RASAL2: variants seen among roughly 807,000 people sequenced by gnomAD.
The protein encoded by RASAL2 is ras GTPase-activating protein nGAP.
RASAL2 carries 58 observed loss-of-function variants against 128.9 expected under a neutral mutation model. The ratio of observed to expected loss-of-function variants is 0.45; its 90% CI spans 0.36 to 0.56. The LOEUF is 0.56. RASAL2 is among the 20% of genes least tolerant of loss of function. The probability of loss-of-function intolerance (pLI) is 0.00; values close to 1 mark genes in which losing one functional copy is unlikely to be tolerated. For missense variants in RASAL2, 1,360 were observed against 1,601.6 expected, an observed-to-expected ratio of 0.85 and a Z score of 2.57; for synonymous variants, 561 against 580.8, an observed-to-expected ratio of 0.97 and a Z score of 0.49.
chr1:178,187,607 C>T (rs966951214), intron 1 of RASAL2, among the ~76,000 whole-genome samples: 64 of 152,072 alleles, frequency 4.2e-4, no homozygotes, highest in African/African-American at 1.3e-3. Context: ...GAACCACAAC[C>T]GGAAAAACTG....
In RASAL2 at chr1:178,306,583, T is replaced by C. The variant is rs372169739; in HGVS notation, c.457+6465T>C. On this transcript the variant is annotated intron_variant, in intron 3 of 17. Coordinates refer to ENST00000367649, the MANE Select transcript of RASAL2 (RefSeq NM_170692.4). ...TGTTGTTTCCTGACTTTTTAATGAT[T>C]GCCATTCTAACTGGTGTGAGATGGT... Among the ~76,000 whole-genome samples, 80 of 151,858 alleles carry C rather than the reference T, an allele frequency of 5.3e-4. 1 individual carries two copies. In the East Asian group the frequency reaches 0.014, roughly 26 times the overall value.
Position 178,314,747 on chromosome 1 carries a change from A to G in RASAL2, c.457+14629A>G, listed in dbSNP as rs149853749. Among the ~76,000 whole-genome samples the G allele has an allele frequency of 8.0e-3, 1,213 of 152,290 alleles. 16 individuals carry two copies. The highest frequency in any genetic ancestry group is 0.027 in the African/African-American group (1,109 of 41,578). The stretch of plus-strand genomic sequence containing the variant: ...TGATTTGAAGTGGTAGGCATCACAG[A>G]TACTTATAAAACTAAAAACAGCTTC... On this transcript the variant is annotated intron_variant, in intron 3 of 17. Coordinates refer to ENST00000367649, the MANE Select transcript of RASAL2 (RefSeq NM_170692.4).
intron 4 of RASAL2, among the ~76,000 whole-genome samples, chr1:178,411,210 C>T (rs1466549662): frequency 6.6e-6 from 1 of 151,902 alleles, no homozygotes; most frequent in Non-Finnish European, 1.5e-5. Context: ...GAATACTACT[C>T]AGTCACAAAC....
intron 1 of RASAL2, among the ~76,000 whole-genome samples, chr1:178,110,667 A>G (rs548893449): frequency 1.2e-5 from 1 of 80,706 alleles, no homozygotes; most frequent in African/African-American, 4.1e-5. Context: ...TGTATACTGC[A>G]AACTCCACCT....
chr1:178,229,497 AG>A (rs1232645819), intron 1 of RASAL2, among the ~76,000 whole-genome samples: 1 of 149,942 alleles, frequency 6.7e-6, no homozygotes, highest in African/African-American at 2.5e-5. Flanking sequence ...TTTTATTGGG[AG>A]GGGGTACCAG....
intron 1 of RASAL2, among the ~76,000 whole-genome samples, chr1:178,162,365 CAT>C (rs1360003110): frequency 9.5e-6 from 1 of 105,702 alleles, no homozygotes; most frequent in African/African-American, 3.8e-5. Context: ...ATATAATATA[CAT>C]ATAATATATA....
intron 14 of RASAL2, among the ~76,000 whole-genome samples, chr1:178,462,510 ATAC>A (rs1678272499): frequency 6.6e-6 from 1 of 152,156 alleles, no homozygotes; most frequent in Non-Finnish European, 1.5e-5. Flanking sequence ...TTTGAAGAAC[ATAC>A]TACAACAAAA....
At chr1:178,154,141 G>A (rs1277000442) in intron 1 of RASAL2, among the ~76,000 whole-genome samples, 3 of 144,026 alleles carry the variant, frequency 2.1e-5, no homozygotes, top group Non-Finnish European at 3.0e-5. Context: ...TGGCCTGATT[G>A]ATTTTTTTTT....
intron 1 of RASAL2, among the ~76,000 whole-genome samples, chr1:178,188,359 C>T (rs1220283694): frequency 6.6e-6 from 1 of 152,064 alleles, no homozygotes; most frequent in African/African-American, 2.4e-5. Context: ...ATGACTCCTG[C>T]TTAAAATCTG....
intron 3 of RASAL2, among the ~76,000 whole-genome samples, chr1:178,389,001 A>C (rs1672740678): frequency 6.6e-6 from 1 of 152,182 alleles, no homozygotes; most frequent in Admixed American, 6.5e-5. Flanking sequence ...AGACACAGAG[A>C]GGGAGCGAGA....
chr1:178,441,875 CTT>C (rs1676677168), intron 7 of RASAL2, among the ~76,000 whole-genome samples: 1 of 152,084 alleles, frequency 6.6e-6, no homozygotes. Context: ...GTTCTGCAGG[CTT>C]TACAGGAAGC....
At position 178,300,090 on chromosome 1, in the gene RASAL2, G is replaced by A. The variant is rs1055858277; in HGVS notation, c.429G>A (p.Glu143=). The part of the protein sequence containing the change: ...VSVPSEGQFP[E]YPPEGATKLE... The stretch of plus-strand genomic sequence containing the variant: ...TCCCTTCCGAGGGTCAGTTTCCCGA[G>A]TACCCACCAGAGGGCGCCACTAAAC... The change falls in exon 3 of 18, where the codon GAG becomes GAA. Residue 143 remains glutamate, a synonymous_variant. Coordinates refer to ENST00000367649, the MANE Select transcript of RASAL2 (RefSeq NM_170692.4). 6.2e-7 allele frequency: 1 copy of A among 1,613,524 alleles called. No individual in the cohort carries two copies. Among genetic ancestry groups the A allele is most frequent in the Admixed American group, 1.7e-5 (1 of 59,910 alleles).
At chr1:178,395,493 A>G (rs956403250) in intron 4 of RASAL2, among the ~76,000 whole-genome samples, 12 of 152,084 alleles carry the variant, frequency 7.9e-5, no homozygotes, top group East Asian at 1.9e-4. Flanking sequence ...CAGATGACCA[A>G]TGTAAATTTA....
intron 1 of RASAL2, among the ~76,000 whole-genome samples, chr1:178,247,519 G>C (rs926784263): frequency 3.3e-5 from 5 of 151,926 alleles, no homozygotes; most frequent in Admixed American, 6.6e-5. Flanking sequence ...CAGAAAACCA[G>C]CTCCTGGATT....
At chr1:178,394,786 A>G (rs1673115650) in intron 4 of RASAL2, among the ~76,000 whole-genome samples, 1 of 152,066 alleles carries the variant, frequency 6.6e-6, no homozygotes, top group Non-Finnish European at 1.5e-5. Context: ...TTCCTATGTA[A>G]CTCTCCCTGT....
At chr1:178,166,442 A>G (rs1661516502) in intron 1 of RASAL2, among the ~76,000 whole-genome samples, 1 of 152,194 alleles carries the variant, frequency 6.6e-6, no homozygotes, top group South Asian at 2.1e-4. Context: ...ACCCAAAGGT[A>G]AGCAATTAGT....
intron 3 of RASAL2, among the ~76,000 whole-genome samples, chr1:178,378,050 A>G (rs1274519039): frequency 6.6e-6 from 1 of 151,972 alleles, no homozygotes; most frequent in Non-Finnish European, 1.5e-5. Flanking sequence ...GGGGAAAAAA[A>G]TAGAAAATAC....
intron 3 of RASAL2, among the ~76,000 whole-genome samples, chr1:178,343,929 T>G (rs1231554834): frequency 6.6e-6 from 1 of 152,130 alleles, no homozygotes; most frequent in Non-Finnish European, 1.5e-5. Flanking sequence ...TTACACAATT[T>G]GGAAAGATCA....
intron 1 of RASAL2, among the ~76,000 whole-genome samples, chr1:178,272,503 T>C (rs1257778580): frequency 1.3e-5 from 2 of 152,220 alleles, no homozygotes; most frequent in African/African-American, 4.8e-5. Context: ...ATTTTCCTAC[T>C]TGATACTCAT....
Sources: gnomAD v4.1 joint callset for allele counts (sites outside exome capture counted in the v4.1 genomes callset) on GRCh38, gnomAD v4.1.1 for gene constraint, MANE v1.5 for transcripts, NCBI Gene and HGNC (gene_info 2026-07-23, HGNC 2026-07-21) for gene names.